Variants in SLC8A2 observed in about 807,000 individuals in gnomAD.
SLC8A2 encodes the protein sodium/calcium exchanger 2.
Under a neutral mutation model 70.2 loss-of-function variants are expected in SLC8A2, and 14 were observed. That is an observed-to-expected ratio of 0.20 (90% CI 0.13 to 0.31). The LOEUF is 0.31. Ranked by LOEUF, SLC8A2 falls within the 10% of genes least tolerant of loss-of-function variation. SLC8A2 has a pLI of 1.00. For missense variants in SLC8A2, 779 were observed against 1,320.1 expected (o/e 0.59, Z 6.35); for synonymous variants, 575 against 594.3 (o/e 0.97, Z 0.47).
chr19:47,457,650 C>CTCTCTGTCTCAG, intron 2 of SLC8A2, 56 bp from the exon 3 acceptor site: 1 of 1,223,426 alleles, frequency 8.2e-7, no homozygotes, highest in Non-Finnish European at 1.1e-6. Context: ...CCCTCCCCGC[C>CTCTCTGTCTCAG]TCTCTGTCTC....
chr19:47,457,207 T>G lies in SLC8A2; in HGVS notation c.1063A>C (p.Ile355Leu). Reference sequence around the variant, plus strand: ...CCGGTCATCAGCCGCGTGGCCTGGATGCGGTAGAAGGCGCGGCTCTTCTGC... The same window carrying G: ...CCGGTCATCAGCCGCGTGGCCTGGAGGCGGTAGAAGGCGCGGCTCTTCTGC... ...HQQKSRAFYR[I>L]QATRLMTGAG... Residue 355 changes from isoleucine to leucine, a missense_variant, in exon 3 of 10, where the codon ATC (isoleucine) becomes CTC (leucine). By Grantham distance (5) the Ile-to-Leu change is conservative. Transcript: ENST00000236877. 1 of 1,546,232 alleles carries G rather than the reference T, an allele frequency of 6.5e-7. No individual in the cohort carries two copies. The highest frequency in any genetic ancestry group is 1.2e-5 in the South Asian group (1 of 83,442).
intron 2 of SLC8A2, among the ~76,000 whole-genome samples, chr19:47,458,192 C>T (rs990300750): frequency 2.0e-5 from 3 of 148,280 alleles, no homozygotes; most frequent in Admixed American, 2.0e-4. Flanking sequence ...CCCCACTCCC[C>T]GTCTCTCCCC....
chr19:47,457,882 A>G (rs1183949977), intron 2 of SLC8A2, among the ~76,000 whole-genome samples: 1 of 139,856 alleles, frequency 7.2e-6, no homozygotes, highest in Non-Finnish European at 1.5e-5. Flanking sequence ...TCTGTAGCCC[A>G]GGCTGGAGTG....
chr19:47,441,453 T>C lies in SLC8A2; in HGVS notation c.1764-13A>G, dbSNP rs2254560. ...CTGAAGAGTTTTCCTGTGCAGGGGG[T>C]AAGGGGGAGGCAGAACACTCAGTGT... On this transcript the variant is annotated splice_polypyrimidine_tract_variant and intron_variant, in intron 4 of 9. Coordinates refer to ENST00000236877, the MANE Select transcript of SLC8A2 (RefSeq NM_015063.3). The C allele has an allele frequency of 0.83, 1,285,992 of 1,553,710 alleles. 534,461 individuals are homozygous for C. The highest frequency in any genetic ancestry group is 0.87 in the Middle Eastern group (5,174 of 5,942).
rs1483256650 is a variant in SLC8A2, at chr19:47,457,142, C to G, written c.1128G>C (p.Ser376=). 16 of 1,542,242 alleles carry G rather than the reference C, an allele frequency of 1.0e-5. No individual in the cohort carries two copies. Among genetic ancestry groups the G allele is most frequent in the African/African-American group, 1.4e-5 (1 of 72,138 alleles). The part of the protein sequence containing the change: ...NVLRRHAADA[S]RRAAPAEGAG... Reference sequence around the variant, plus strand: ...CGCCCTCGGCCGGCGCCGCCCTGCGCGAGGCGTCCGCCGCGTGTCTGCGCA... The same window carrying G: ...CGCCCTCGGCCGGCGCCGCCCTGCGGGAGGCGTCCGCCGCGTGTCTGCGCA... Residue 376 remains serine, a synonymous_variant, in exon 3 of 10, where the codon TCG becomes TCC. Transcript: ENST00000236877.
intron 9 of SLC8A2, among the ~76,000 whole-genome samples, chr19:47,431,432 C>T (rs7255258): frequency 0.62 from 93,804 of 151,024 alleles, 33,748 homozygotes; most frequent in Non-Finnish European, 0.79. Flanking sequence ...GGGCGGATCA[C>T]GAGGTCAGGA....
rs1967172788 is a variant in SLC8A2, at chr19:47,447,094, G to C, written c.1763+715C>G. ...CGTTAGGTGCCCCGCTATTTCCCCA[G>C]GTTCTTCCTCATACCCAGAAGCCCC... On this transcript the variant is annotated intron_variant, in intron 4 of 9. Coordinates refer to ENST00000236877, the MANE Select transcript of SLC8A2 (RefSeq NM_015063.3). This position sits in a 1 kb window ranked among gnomAD's most constrained non-coding sequence, Gnocchi z 5.1. Among the ~76,000 whole-genome samples the C allele has an allele frequency of 6.6e-6, 1 of 151,180 alleles. No individual in the cohort carries two copies. The highest frequency in any genetic ancestry group is 2.0e-4 in the East Asian group (1 of 5,074).
intron 4 of SLC8A2, among the ~76,000 whole-genome samples, chr19:47,444,537 C>A (rs1286794976): frequency 6.6e-6 from 1 of 152,174 alleles, no homozygotes; most frequent in Non-Finnish European, 1.5e-5. Context: ...GAGGGTCTCC[C>A]GAGACATGCT....
At chr19:47,467,312 C>T (rs182350148) in intron 1 of SLC8A2, among the ~76,000 whole-genome samples, 9 of 152,300 alleles carry the variant, frequency 5.9e-5, no homozygotes, top group Admixed American at 3.3e-4. Context: ...AGGCAGGGAG[C>T]AGGAGGCTCT....
chr19:47,465,642 C>T lies in SLC8A2; in HGVS notation c.675+87G>A. 3 of 1,143,454 alleles carry T rather than the reference C, an allele frequency of 2.6e-6. No individual in the cohort carries two copies. Among genetic ancestry groups the T allele is most frequent in the African/African-American group, 1.6e-5 (1 of 64,378 alleles). 70.8% of individuals were successfully genotyped at this position (1,143,454 alleles called of 1,614,324 possible). A position where few individuals can be genotyped will look rare whatever the true frequency, so the allele number is the denominator to read the frequency against. ...ATGTGAGTGTGCATTTCTGCAAATA[C>T]AGCAATCAACACTCCAAGCCAAGAG... On this transcript the variant is annotated intron_variant, in intron 2 of 9. Coordinates refer to ENST00000236877, the MANE Select transcript of SLC8A2 (RefSeq NM_015063.3). This position sits in a 1 kb window ranked among gnomAD's most constrained non-coding sequence, Gnocchi z 5.5.
In SLC8A2 at chr19:47,457,332, C is replaced by T; in HGVS notation, c.938G>A (p.Arg313His). ...AEARELDASR[R>H]EVIQILKDLK... Reference sequence around the variant, plus strand: ...GTCCTTGAGGATCTGGATGACCTCGCGGCGGCTGGCGTCCAGCTCGCGCGC... The same window carrying T: ...GTCCTTGAGGATCTGGATGACCTCGTGGCGGCTGGCGTCCAGCTCGCGCGC... Residue 313 changes from arginine (R) to histidine (H), a missense_variant, in exon 3 of 10, where the codon CGC (arginine) becomes CAC (histidine). This residue lies in a region of SLC8A2 where 186 missense variants were observed against 246.6 expected (regional missense o/e 0.75). Transcript: ENST00000236877. 6.5e-7 allele frequency: 1 copy of T among 1,542,274 alleles called. No homozygotes were observed. Among genetic ancestry groups the T allele is most frequent in the South Asian group, 1.2e-5 (1 of 82,878 alleles).
intron 3 of SLC8A2, among the ~76,000 whole-genome samples, chr19:47,456,134 G>A (rs1022825279): frequency 1.4e-4 from 21 of 152,170 alleles, no homozygotes; most frequent in African/African-American, 4.8e-4. Flanking sequence ...GGTGGGAGAA[G>A]GCTTGTTCTA....
chr19:47,447,687 A>T lies in SLC8A2; in HGVS notation c.1763+122T>A. On this transcript the variant is annotated intron_variant, in intron 4 of 9. Coordinates refer to ENST00000236877, the MANE Select transcript of SLC8A2 (RefSeq NM_015063.3). The surrounding 1 kb of genome is among the most constrained non-coding windows in gnomAD (Gnocchi z 5.1). ...GGCCACGCAGGCCCCTCCCCTCCCG[A>T]GGCCCAACCAAGACCCGCCCACTAT... The T allele has an allele frequency of 1.9e-6, 2 of 1,030,144 alleles. No homozygotes were observed. The highest frequency in any genetic ancestry group is 1.8e-5 in the South Asian group (1 of 55,234). The allele number at this position is 1,030,144 out of a possible 1,614,324, so 63.8% of individuals were successfully genotyped here.
intron 3 of SLC8A2, among the ~76,000 whole-genome samples, chr19:47,449,566 C>T (rs1361924364): frequency 6.6e-6 from 1 of 152,132 alleles, no homozygotes; most frequent in African/African-American, 2.4e-5. Flanking sequence ...TCAAAAGATC[C>T]GCCTGTCTTG....
Position 47,447,925 on chromosome 19 carries a change from C to T in SLC8A2, c.1647G>A (p.Ser549=). Reference sequence around the variant, plus strand: ...GAAGGCGCACGGTGCCGCGCGCGCCCGAGCTGCGCACGACGCGCACGTCCA... The same window carrying T: ...GAAGGCGCACGGTGCCGCGCGCGCCTGAGCTGCGCACGACGCGCACGTCCA... ...GTVDVRVVRS[S]GARGTVRLPY... is the part of the protein sequence containing the mutation. Residue 549 remains serine (S), a synonymous_variant, in exon 4 of 10, where the codon TCG becomes TCA. Transcript: ENST00000236877. The surrounding 1 kb of genome is among the most constrained non-coding windows in gnomAD (Gnocchi z 5.1). 6.4e-7 allele frequency: 1 copy of T among 1,566,192 alleles called. No individual in the cohort carries two copies.
chr19:47,457,163 G>A lies in SLC8A2; in HGVS notation c.1107C>T (p.Arg369=), dbSNP rs1344348744. ...TGCGCGAGGCGTCCGCCGCGTGTCT[G>A]CGCAGCACGTTCCCGGCGCCGGTCA... ...RLMTGAGNVL[R]RHAADASRRA... The change falls in exon 3 of 10, where the codon CGC becomes CGT. Residue 369 remains arginine (R), a synonymous_variant. Coordinates refer to ENST00000236877, the MANE Select transcript of SLC8A2 (RefSeq NM_015063.3). The A allele has an allele frequency of 3.2e-6, 5 of 1,544,540 alleles. No individual in the cohort carries two copies. In the South Asian group the frequency reaches 4.8e-5, roughly 15 times the overall value.
chr19:47,431,671 A>C lies in SLC8A2; in HGVS notation c.2389+496T>G, dbSNP rs1282603651. On this transcript the variant is annotated intron_variant, in intron 9 of 9. Coordinates refer to ENST00000236877, the MANE Select transcript of SLC8A2 (RefSeq NM_015063.3). ...TGTCCCCACACCAAAAAAAAAAAAA[A>C]AAAAAAAAACAAAACCCAAAAAAAC... Among the ~76,000 whole-genome samples, 796 of 140,758 alleles carry C rather than the reference A, an allele frequency of 5.7e-3. 12 individuals carry two copies. The highest frequency in any genetic ancestry group is 0.019 in the African/African-American group (750 of 40,432). 92.3% of individuals were successfully genotyped at this position (140,758 alleles called of 152,430 possible).
In SLC8A2 at chr19:47,447,593, C is replaced by T. The variant is rs918119440; in HGVS notation, c.1763+216G>A. On this transcript the variant is annotated intron_variant, in intron 4 of 9. Coordinates refer to ENST00000236877, the MANE Select transcript of SLC8A2 (RefSeq NM_015063.3). This position sits in a 1 kb window ranked among gnomAD's most constrained non-coding sequence, Gnocchi z 5.1. ...CTCAGGCCCCTCTCCTCCTGAGGGC[C>T]CAGCTGTTCAGTGAAGCCCCGCCCA... 11 of 540,918 alleles carry T rather than the reference C, an allele frequency of 2.0e-5. No homozygotes were observed. In the Admixed American group the frequency reaches 3.0e-4, roughly 15 times the overall value. The allele number at this position is 540,918 out of a possible 1,614,324, so 33.5% of individuals were successfully genotyped here.
intron 2 of SLC8A2, 152 bp from the exon 3 acceptor site, chr19:47,457,746 T>TTTTCTTTCTTTC (rs369580416): frequency 2.6e-6 from 1 of 379,694 alleles, no homozygotes; most frequent in African/African-American, 2.5e-5. Flanking sequence ...TTTCTGTTTC[T>TTTTCTTTCTTTC]TTTCTTTCTT....
Sources: gnomAD v4.1 joint callset for allele counts (sites outside exome capture counted in the v4.1 genomes callset) on GRCh38, gnomAD v4.1.1 for gene constraint, gnomAD v4.1.1 regional missense constraint, Gnocchi (gnomAD v3.1) non-coding constraint, MANE v1.5 for transcripts, NCBI Gene and HGNC (gene_info 2026-07-23, HGNC 2026-07-21) for gene names.